The following GET4 variants were observed in gnomAD, a reference collection of about 807,000 sequenced individuals.
GET4 encodes Golgi to ER traffic protein 4 homolog.
GET4 carries 20 observed loss-of-function variants against 40.0 expected under a neutral mutation model. The observed-to-expected ratio is 0.50, with a 90% confidence interval of 0.35 to 0.73. GET4 has a LOEUF of 0.73. Among genes scored for constraint, GET4 ranks in the 30% least tolerant of loss-of-function variants. GET4 has a pLI of 0.01. For synonymous variants in GET4, 280 were observed against 194.6 expected, an observed-to-expected ratio of 1.44 and a Z score of -3.65; for missense variants, 557 against 454.0, an observed-to-expected ratio of 1.23 and a Z score of -2.06.
intron 5 of GET4, among the ~76,000 whole-genome samples, 190 bp from the exon 6 acceptor site, chr7:892,088 A>T (rs1844337054): frequency 1.3e-5 from 2 of 152,250 alleles, no homozygotes; most frequent in Admixed American, 1.3e-4. Flanking sequence ...TTCACCTGTG[A>T]ATTGCAGGCT....
chr7:880,168 C>T (rs1388205451), intron 1 of GET4: 2 of 152,240 alleles, frequency 1.3e-5, no homozygotes, highest in Non-Finnish European at 2.9e-5. Flanking sequence ...ATGGAGAAAC[C>T]CTGTCTCTAC....
intron 3 of GET4, 130 bp downstream of exon 3, chr7:886,780 A>C: frequency 1.5e-6 from 1 of 679,472 alleles, no homozygotes; most frequent in South Asian, 1.7e-5. Context: ...TCTGCTGCAG[A>C]GGCAGTTCCC....
At chr7:892,446 G>T in intron 6 of GET4, 28 bp downstream of exon 6, 2 of 1,581,374 alleles carry the variant, frequency 1.3e-6, no homozygotes, top group Non-Finnish European at 1.7e-6. Context: ...GCAGGGGGAG[G>T]GGGCTGTGAA....
At position 883,444 on chromosome 7, in the gene GET4, A is replaced by G. The variant is rs186208141; in HGVS notation, c.156-2612A>G. The G allele has an allele frequency of 6.7e-4, 605 of 907,846 alleles. 5 individuals are homozygous for G. The African/African-American group carries it at 9.5e-3, about 14-fold the overall frequency. 56.2% of individuals were successfully genotyped at this position (907,846 alleles called of 1,614,324 possible). Reference sequence around the variant, plus strand: ...ACCGACAGTCTCGGCCACTAGTTCTAATGCTTGCGTTTCTGTGTTCTGCTT... The same window carrying G: ...ACCGACAGTCTCGGCCACTAGTTCTGATGCTTGCGTTTCTGTGTTCTGCTT... On this transcript the variant is annotated intron_variant, in intron 1 of 8. Transcript: ENST00000265857.
At chr7:877,950 C>G (rs1375639756) in intron 1 of GET4, 1 of 155,776 alleles carries the variant, frequency 6.4e-6, no homozygotes, top group Non-Finnish European at 1.3e-5. Context: ...GTTCCGCATT[C>G]CCCCACCTCC....
chr7:893,515 GGTGA>G (rs1844388983), intron 6 of GET4, among the ~76,000 whole-genome samples: 1 of 145,190 alleles, frequency 6.9e-6, no homozygotes, highest in African/African-American at 2.5e-5. Flanking sequence ...GGTGGTTGCA[GGTGA>G]GTGTTGGGTG....
intron 3 of GET4, among the ~76,000 whole-genome samples, chr7:886,870 G>A (rs553554484): frequency 4.3e-4 from 66 of 152,250 alleles, no homozygotes; most frequent in Non-Finnish European, 8.5e-4. Flanking sequence ...GCTGTGATTC[G>A]TAGGCAGGGC....
intron 1 of GET4, 123 bp from the exon 2 acceptor site, chr7:885,933 G>A (rs928639466): frequency 2.6e-5 from 18 of 701,994 alleles, no homozygotes; most frequent in East Asian, 7.5e-5. Context: ...CCCTGGGAGC[G>A]GCTGCTTTTA....
chr7:881,898 C>T (rs1020301851), intron 1 of GET4: 2 of 152,232 alleles, frequency 1.3e-5, no homozygotes, highest in Non-Finnish European at 2.9e-5. Flanking sequence ...CATCATTCAG[C>T]TTCCACTTGT....
intron 8 of GET4, among the ~76,000 whole-genome samples, 170 bp from the exon 9 acceptor site, chr7:895,164 C>A (rs1003630561): frequency 1.3e-5 from 2 of 151,016 alleles, no homozygotes; most frequent in Admixed American, 6.6e-5. Flanking sequence ...GCTCCCTGGC[C>A]TCCAGAGTGT....
intron 5 of GET4, 113 bp downstream of exon 5, chr7:891,179 C>T (rs1245570279): frequency 1.0e-5 from 8 of 785,894 alleles, no homozygotes; most frequent in South Asian, 5.5e-5. Context: ...AAACTGAGTT[C>T]ACTCTGGGCA....
At chr7:883,805 C>T (rs995650741) in intron 1 of GET4, 1 of 992,038 alleles carries the variant, frequency 1.0e-6, no homozygotes, top group African/African-American at 1.7e-5. Flanking sequence ...TTCTCCAGTA[C>T]AGGAGGAGAA....
intron 1 of GET4, chr7:883,502 G>A: frequency 1.8e-5 from 18 of 985,290 alleles, no homozygotes; most frequent in Non-Finnish European, 2.2e-5. Flanking sequence ...AGCAAAATCA[G>A]CTAGATTGTT....
rs1381499593 is a variant in GET4, at chr7:876,563, T to A, written c.-83T>A. The A allele has an allele frequency of 1.8e-6, 2 of 1,112,786 alleles. No homozygotes were observed. Among genetic ancestry groups the A allele is most frequent in the African/African-American group, 3.3e-5 (2 of 60,026 alleles). 68.9% of individuals were successfully genotyped at this position (1,112,786 alleles called of 1,614,324 possible). ...CCTCGCGGGCCACCGTAGAAGGGCG[T>A]CGGGCGGCCGTCGGGACGGAAGCCG... is the stretch of plus-strand genomic sequence containing the variant. On this transcript the variant is annotated 5_prime_UTR_variant, in exon 1 of 9. Transcript: ENST00000265857.
In GET4 at chr7:876,633, G is replaced by A; in HGVS notation, c.-13G>A. On this transcript the variant is annotated 5_prime_UTR_variant, in exon 1 of 9. Coordinates refer to ENST00000265857, the MANE Select transcript of GET4 (RefSeq NM_015949.3). ...CCTGCGACAGCGTCAGCCCTGCGCG[G>A]AGCGCCGGCCCGATGGCGGCGGCGG... 1 of 1,232,210 alleles carries A rather than the reference G, an allele frequency of 8.1e-7. No individual in the cohort carries two copies. Among genetic ancestry groups the A allele is most frequent in the Non-Finnish European group, 1.0e-6 (1 of 982,274 alleles). 76.3% of individuals were successfully genotyped at this position (1,232,210 alleles called of 1,614,324 possible). A position where few individuals can be genotyped will look rare whatever the true frequency, so the allele number is the denominator to read the frequency against.
At chr7:892,203 G>A in intron 5 of GET4, 75 bp from the exon 6 acceptor site, 1 of 1,497,260 alleles carries the variant, frequency 6.7e-7, no homozygotes. Context: ...GGAAGGACAT[G>A]TCGGAGGCCG....
At chr7:894,090 A>T in intron 8 of GET4, 119 bp downstream of exon 8, 1 of 606,578 alleles carries the variant, frequency 1.6e-6, no homozygotes, top group Non-Finnish European at 2.8e-6. Context: ...GATCTTTTAA[A>T]TGTTTCTCAG....
chr7:890,968 A>G lies in GET4; in HGVS notation c.507A>G (p.Ser169=). The G allele has an allele frequency of 1.2e-6, 2 of 1,608,810 alleles. No individual in the cohort carries two copies. The highest frequency in any genetic ancestry group is 8.5e-7 in the Non-Finnish European group (1 of 1,175,404). ...AGTCGAGGTATCATTTTCTGCACTC[A>G]GCGGACGGGGAGGGCTGTGCCAACA... is the stretch of plus-strand genomic sequence containing the variant. ...YCESRYHFLH[S]ADGEGCANML... The change falls in exon 5 of 9, where the codon TCA becomes TCG. Residue 169 remains serine (S), a synonymous_variant. Transcript: ENST00000265857.
chr7:892,452 G>C (rs374820061), intron 6 of GET4, 34 bp downstream of exon 6: 22 of 1,579,120 alleles, frequency 1.4e-5, no homozygotes, highest in Non-Finnish European at 1.9e-5. Context: ...GGAGGGGGCT[G>C]TGAATGTGCG....
Sources: gnomAD v4.1 joint callset for allele counts (sites outside exome capture counted in the v4.1 genomes callset) on GRCh38, gnomAD v4.1.1 for gene constraint, MANE v1.5 for transcripts, NCBI Gene and HGNC (gene_info 2026-07-23, HGNC 2026-07-21) for gene names.